Variants in ASAP1 observed in about 807,000 individuals in gnomAD.
The protein encoded by ASAP1 is ArfGAP with SH3 domain, ankyrin repeat and PH domain 1.
In ASAP1, 43 loss-of-function variants were observed where a neutral mutation model predicts 145.2. The observed-to-expected ratio is 0.30, with a 90% CI of 0.23 to 0.38. The LOEUF is 0.38. Ranked by LOEUF, ASAP1 falls within the 10% of genes least tolerant of loss-of-function variation. ASAP1 has a pLI of 1.00. For missense variants in ASAP1, 1,018 were observed against 1,355.3 expected, an observed-to-expected ratio of 0.75 and a Z score of 3.91; for synonymous variants, 546 against 515.5, an observed-to-expected ratio of 1.06 and a Z score of -0.80.
chr8:130,064,986 C>T (rs1035765405), intron 27 of ASAP1, among the ~76,000 whole-genome samples: 1 of 151,780 alleles, frequency 6.6e-6, no homozygotes, highest in African/African-American at 2.4e-5. Context: ...GCTATCCTCC[C>T]ACCTCAGCTT....
At chr8:130,401,351 T>G (rs904417813) in intron 2 of ASAP1, among the ~76,000 whole-genome samples, 2 of 152,082 alleles carry the variant, frequency 1.3e-5, no homozygotes, top group African/African-American at 2.4e-5. Context: ...GTTCAAGCAA[T>G]TCCACTGCCT....
chr8:130,140,474 A>G (rs1263790832), intron 13 of ASAP1, among the ~76,000 whole-genome samples: 1 of 151,966 alleles, frequency 6.6e-6, no homozygotes, highest in African/African-American at 2.4e-5. Flanking sequence ...TCCAGGTATT[A>G]GGCCAAGTAC....
intron 27 of ASAP1, among the ~76,000 whole-genome samples, chr8:130,061,589 T>C (rs1418124173): frequency 6.6e-6 from 1 of 152,200 alleles, no homozygotes; most frequent in Non-Finnish European, 1.5e-5. Context: ...TTATTATTTC[T>C]CCCCATTTTA....
At chr8:130,280,410 T>C (rs1821181897) in intron 3 of ASAP1, among the ~76,000 whole-genome samples, 1 of 152,262 alleles carries the variant, frequency 6.6e-6, no homozygotes, top group East Asian at 1.9e-4. Flanking sequence ...ATAATGGTTA[T>C]GGAATCTTTT....
intron 3 of ASAP1, among the ~76,000 whole-genome samples, chr8:130,304,422 T>C (rs936475089): frequency 1.3e-5 from 2 of 152,204 alleles, no homozygotes; most frequent in African/African-American, 2.4e-5. Flanking sequence ...AAGTCTTCTA[T>C]TGTAATACTA....
At chr8:130,279,023 T>C (rs1362196587) in intron 3 of ASAP1, among the ~76,000 whole-genome samples, 1 of 152,146 alleles carries the variant, frequency 6.6e-6, no homozygotes, top group East Asian at 1.9e-4. Flanking sequence ...GAAAGTGTTA[T>C]TGAAAGTGAT....
At chr8:130,304,232 T>C (rs1822852518) in intron 3 of ASAP1, among the ~76,000 whole-genome samples, 1 of 152,058 alleles carries the variant, frequency 6.6e-6, no homozygotes, top group Middle Eastern at 3.4e-3. Context: ...CTAGATCTTA[T>C]GTTAGAACTG....
intron 3 of ASAP1, among the ~76,000 whole-genome samples, chr8:130,307,874 T>C (rs572903149): frequency 1.3e-5 from 2 of 152,234 alleles, no homozygotes; most frequent in Non-Finnish European, 2.9e-5. Context: ...ATGGTTAAGT[T>C]GCCTTTCCTA....
chr8:130,240,777 T>TAGGA (rs1818476755), intron 3 of ASAP1, among the ~76,000 whole-genome samples: 2 of 152,154 alleles, frequency 1.3e-5, no homozygotes, highest in Admixed American at 6.5e-5. Context: ...GATGGTAGTC[T>TAGGA]AGGAGAGCAC....
chr8:130,267,853 C>G (rs1383414286), intron 3 of ASAP1, among the ~76,000 whole-genome samples: 1 of 152,158 alleles, frequency 6.6e-6, no homozygotes, highest in African/African-American at 2.4e-5. Context: ...GAGAGAAACT[C>G]AGGAAGTGTC....
intron 12 of ASAP1, among the ~76,000 whole-genome samples, chr8:130,158,345 A>AT (rs761509532): frequency 4.5e-4 from 62 of 138,466 alleles, no homozygotes; most frequent in South Asian, 1.3e-3. Context: ...CCCTGCTTAT[A>AT]TTTAAAAAAA....
chr8:130,344,873 T>C (rs1198600838), intron 3 of ASAP1, among the ~76,000 whole-genome samples: 1 of 152,146 alleles, frequency 6.6e-6, no homozygotes, highest in Non-Finnish European at 1.5e-5. Context: ...AAGGAGAATC[T>C]AATAATGCAA....
At chr8:130,139,170 C>G (rs1271929555) in intron 13 of ASAP1, among the ~76,000 whole-genome samples, 1 of 152,098 alleles carries the variant, frequency 6.6e-6, no homozygotes, top group Non-Finnish European at 1.5e-5. Flanking sequence ...AATGGAAACT[C>G]TGAAGATGAG....
intron 13 of ASAP1, among the ~76,000 whole-genome samples, chr8:130,138,915 C>T (rs1002878223): frequency 6.6e-6 from 1 of 151,626 alleles, no homozygotes; most frequent in Non-Finnish European, 1.5e-5. Flanking sequence ...GAATCTGTAG[C>T]CACGAAGCAG....
intron 3 of ASAP1, among the ~76,000 whole-genome samples, chr8:130,300,184 A>AGAGAGAGAGAGCGAGC (rs761456724): frequency 1.4e-5 from 2 of 140,364 alleles, no homozygotes; most frequent in African/African-American, 5.6e-5. Flanking sequence ...AGAGAGAGAG[A>AGAGAGAGAGAGCGAGC]GAGCGAGCGA....
chr8:130,224,180 G>T (rs925427030), intron 4 of ASAP1, among the ~76,000 whole-genome samples: 2 of 152,118 alleles, frequency 1.3e-5, no homozygotes, highest in African/African-American at 4.8e-5. Flanking sequence ...CCTAGAACAA[G>T]TCTTTTTCCT....
intron 15 of ASAP1, among the ~76,000 whole-genome samples, chr8:130,128,763 G>C (rs1387536673): frequency 2.0e-5 from 3 of 152,094 alleles, no homozygotes; most frequent in African/African-American, 7.2e-5. Context: ...CAACAACAGA[G>C]AGTTGATTAA....
chr8:130,169,989 C>T (rs769178381), intron 9 of ASAP1, among the ~76,000 whole-genome samples: 5 of 152,122 alleles, frequency 3.3e-5, no homozygotes, highest in African/African-American at 9.7e-5. Context: ...CCTCAGAAAA[C>T]GTGTTTAGAA....
chr8:130,142,730 G>T (rs2135874757), intron 13 of ASAP1, among the ~76,000 whole-genome samples: 1 of 152,350 alleles, frequency 6.6e-6, no homozygotes, highest in East Asian at 1.9e-4. Context: ...TGGGGCATAG[G>T]AGGGGACAAG....
Sources: allele counts gnomAD v4.1 joint callset (sites outside exome capture counted in the v4.1 genomes callset), GRCh38; gene constraint gnomAD v4.1.1; transcripts MANE v1.5; gene names NCBI Gene and HGNC (gene_info 2026-07-23, HGNC 2026-07-21).